The following PRSS12 variants were observed in gnomAD, a reference collection of about 807,000 sequenced individuals.
The protein encoded by PRSS12 is serine protease 12.
Under a neutral mutation model 104.4 loss-of-function variants are expected in PRSS12, and 85 were observed. The observed-to-expected ratio is 0.81, with a 90% CI of 0.68 to 0.98. The LOEUF is 0.98. Ranked by LOEUF, PRSS12 falls within the 50% of genes least tolerant of loss-of-function variation. PRSS12 has a pLI of 0.00. For synonymous variants in PRSS12, 454 were observed against 425.2 expected, an observed-to-expected ratio of 1.07 and a Z score of -0.83; for missense variants, 1,141 against 1,139.2, an observed-to-expected ratio of 1.00 and a Z score of -0.02.
intron 4 of PRSS12, among the ~76,000 whole-genome samples, chr4:118,329,686 G>C (rs13132957): frequency 0.076 from 11,506 of 152,158 alleles, 608 homozygotes; most frequent in Non-Finnish European, 0.11. Context: ...CCTAATTAGA[G>C]TGCCCTTGAT....
chr4:118,338,210 C>T lies in PRSS12; in HGVS notation c.607G>A (p.Asp203Asn). 6.2e-7 allele frequency: 1 copy of T among 1,614,070 alleles called. No homozygotes were observed. Among genetic ancestry groups the T allele is most frequent in the Non-Finnish European group, 8.5e-7 (1 of 1,179,956 alleles). ...TVCSSHWDDS[D>N]ASVICHQLQL... ...AGCTGGTGACAAATGACTGATGCATCAGAATCATCCCAGTGGCTGCTACAG... is the reference window on the plus strand; with the variant it reads ...AGCTGGTGACAAATGACTGATGCATTAGAATCATCCCAGTGGCTGCTACAG... The change falls in exon 2 of 13, where the codon GAT becomes AAT. Residue 203 changes from aspartate (D) to asparagine (N), a missense_variant. Physicochemically the swap from Asp to Asn is conservative, Grantham distance 23 (BLOSUM62 1). Transcript: ENST00000296498.
chr4:118,321,613 T>C (rs768174401), intron 4 of PRSS12, among the ~76,000 whole-genome samples: 6 of 152,194 alleles, frequency 3.9e-5, no homozygotes, highest in Admixed American at 2.0e-4. Flanking sequence ...TTCCCTCTTC[T>C]GGCACGTTAA....
intron 1 of PRSS12, among the ~76,000 whole-genome samples, chr4:118,342,867 T>C (rs1724253061): frequency 6.6e-6 from 1 of 152,184 alleles, no homozygotes; most frequent in Non-Finnish European, 1.5e-5. Flanking sequence ...TCTAAGTACA[T>C]AGGCCTCCAG....
At chr4:118,330,059 A>C (rs1318485427) in intron 4 of PRSS12, among the ~76,000 whole-genome samples, 1 of 152,230 alleles carries the variant, frequency 6.6e-6, no homozygotes, top group Non-Finnish European at 1.5e-5. Flanking sequence ...TACCATCGTA[A>C]ACAATGCCAG....
intron 7 of PRSS12, among the ~76,000 whole-genome samples, chr4:118,311,858 T>C (rs1446173920): frequency 5.9e-5 from 9 of 152,142 alleles, no homozygotes. Context: ...TCACATAGTA[T>C]TTCATCACTG....
chr4:118,335,476 G>A lies in PRSS12; in HGVS notation c.817C>T (p.His273Tyr). The change falls in exon 3 of 13, where the codon CAT (histidine) becomes TAT (tyrosine). Residue 273 changes from histidine to tyrosine, a missense_variant. Physicochemically the swap from His to Tyr is moderately conservative, Grantham distance 83. Coordinates refer to ENST00000296498, the MANE Select transcript of PRSS12 (RefSeq NM_003619.4). ...MAAAVTCSFS[H>Y]GPTFPIIRLA... Reference sequence around the variant, plus strand: ...AGAACTTTTTTCTTTTTTTTACCATGGGAAAAGCTACACGTGACAGCAGCT... The same window carrying A: ...AGAACTTTTTTCTTTTTTTTACCATAGGAAAAGCTACACGTGACAGCAGCT... 1 of 1,613,342 alleles carries A rather than the reference G, an allele frequency of 6.2e-7. No individual in the cohort carries two copies. Among genetic ancestry groups the A allele is most frequent in the Non-Finnish European group, 8.5e-7 (1 of 1,179,718 alleles).
At chr4:118,318,660 T>A (rs1205286362) in intron 4 of PRSS12, 104 bp from the exon 5 acceptor site, 1 of 1,118,282 alleles carries the variant, frequency 8.9e-7, no homozygotes, top group East Asian at 2.6e-5. Context: ...TCCCCACTTA[T>A]TAATTCACTT....
chr4:118,284,580 A>G (rs1367196165), intron 11 of PRSS12, among the ~76,000 whole-genome samples: 1 of 152,208 alleles, frequency 6.6e-6, no homozygotes, highest in African/African-American at 2.4e-5. Flanking sequence ...TTGATTTCAC[A>G]CATACCGTTA....
At chr4:118,329,867 G>A (rs913042814) in intron 4 of PRSS12, among the ~76,000 whole-genome samples, 1 of 152,060 alleles carries the variant, frequency 6.6e-6, no homozygotes, top group African/African-American at 2.4e-5. Context: ...CAGAACACAC[G>A]CCCATAATCA....
chr4:118,352,147 T>C (rs1379021608), intron 1 of PRSS12, 72 bp downstream of exon 1: 4 of 1,587,810 alleles, frequency 2.5e-6, no homozygotes, highest in Non-Finnish European at 3.4e-6. Context: ...CCAAGAGACC[T>C]GTACGCCGGC....
intron 1 of PRSS12, among the ~76,000 whole-genome samples, chr4:118,345,324 A>G (rs1560788178): frequency 6.6e-6 from 1 of 152,046 alleles, no homozygotes; most frequent in Non-Finnish European, 1.5e-5. Context: ...TGTTGCACTG[A>G]TTTGTAAGAA....
Position 118,281,568 on chromosome 4 carries a change from T to C in PRSS12, c.*368A>G, listed in dbSNP as rs536863186. 1 of 305,518 alleles carries C rather than the reference T, an allele frequency of 3.3e-6. No homozygotes were observed. The highest frequency in any genetic ancestry group is 3.3e-5 in the South Asian group (1 of 30,394). The allele number at this position is 305,518 out of a possible 1,614,324, so 18.9% of individuals were successfully genotyped here. ...ACCGCATTTATGTCAAATGTGGGTATTTAATATGATTTCAGACACCACTGA... is the reference window on the plus strand; with the variant it reads ...ACCGCATTTATGTCAAATGTGGGTACTTAATATGATTTCAGACACCACTGA... On this transcript the variant is annotated 3_prime_UTR_variant, in exon 13 of 13. Transcript: ENST00000296498.
At chr4:118,335,692 G>A in intron 2 of PRSS12, 41 bp from the exon 3 acceptor site, 1 of 1,578,934 alleles carries the variant, frequency 6.3e-7, no homozygotes, top group East Asian at 2.2e-5. Context: ...TCAAATGTAG[G>A]CAAAACTTTT....
chr4:118,351,907 C>T (rs1724515400), intron 1 of PRSS12, among the ~76,000 whole-genome samples: 2 of 151,972 alleles, frequency 1.3e-5, no homozygotes, highest in South Asian at 4.2e-4. Context: ...AGCACACTGT[C>T]ACCCAATACA....
At chr4:118,349,873 G>A (rs112407468) in intron 1 of PRSS12, among the ~76,000 whole-genome samples, 7,507 of 152,038 alleles carry the variant, frequency 0.049, 287 homozygotes, top group Admixed American at 0.066. Flanking sequence ...CGTGGTGGCA[G>A]GTGCCTGTAA....
At chr4:118,324,257 T>C (rs1161078932) in intron 4 of PRSS12, among the ~76,000 whole-genome samples, 2 of 152,008 alleles carry the variant, frequency 1.3e-5, no homozygotes, top group Non-Finnish European at 2.9e-5. Flanking sequence ...GAAGAAGTAA[T>C]ATCCATGGCC....
chr4:118,320,278 T>A (rs954484496), intron 4 of PRSS12, among the ~76,000 whole-genome samples: 2 of 152,106 alleles, frequency 1.3e-5, no homozygotes, highest in African/African-American at 4.8e-5. Flanking sequence ...AACAAAAATA[T>A]ATTGAAGAAA....
rs773026089 is a variant in PRSS12 at position 118,282,987 on chromosome 4, G to A, written c.2164C>T (p.Arg722Cys). 11 of 1,614,038 alleles carry A rather than the reference G, an allele frequency of 6.8e-6. No homozygotes were observed. The highest frequency in any genetic ancestry group is 4.5e-5 in the East Asian group (2 of 44,866). ...ACCAGGGCTATGTCATAATCACTGC[G>A]GTCGGGTCGATACTCCCGATGAATC... ...IVIHREYRPD[R>C]SDYDIALVRL... The change falls in exon 12 of 13, where the codon CGC becomes TGC. Residue 722 changes from arginine (R) to cysteine (C), a missense_variant. Arg to Cys is a radical substitution (Grantham distance 180). Coordinates refer to ENST00000296498, the MANE Select transcript of PRSS12 (RefSeq NM_003619.4).
chr4:118,334,427 T>C (rs111551839), intron 3 of PRSS12, among the ~76,000 whole-genome samples: 20 of 152,246 alleles, frequency 1.3e-4, no homozygotes, highest in African/African-American at 3.4e-4. Context: ...CAATAAATTA[T>C]TGGGCCCAGT....
Sources: gnomAD v4.1 joint callset for allele counts (sites outside exome capture counted in the v4.1 genomes callset) on GRCh38, gnomAD v4.1.1 for gene constraint, MANE v1.5 for transcripts, NCBI Gene and HGNC (gene_info 2026-07-23, HGNC 2026-07-21) for gene names.